Variants in WFDC8 observed in about 807,000 individuals in gnomAD.
WFDC8 encodes WAP four-disulfide core domain protein 8.
WFDC8 carries 24 observed loss-of-function variants against 27.0 expected under a neutral mutation model. The observed-to-expected ratio is 0.89, with a 90% CI of 0.64 to 1.25. The LOEUF (loss-of-function observed/expected upper bound fraction) is 1.25. WFDC8 is among the 50% of genes most tolerant of loss of function. The probability of loss-of-function intolerance (pLI) is 0.00; values close to 1 mark genes in which losing one functional copy is unlikely to be tolerated. For missense variants in WFDC8, 287 were observed against 295.9 expected, an observed-to-expected ratio of 0.97 and a Z score of 0.22; for synonymous variants, 106 against 99.7, an observed-to-expected ratio of 1.06 and a Z score of -0.38.
At chr20:45,564,190 C>T (rs892520134) in intron 1 of WFDC8, among the ~76,000 whole-genome samples, 1 of 152,138 alleles carries the variant, frequency 6.6e-6, no homozygotes, top group Non-Finnish European at 1.5e-5. Context: ...AGTGGGGGCT[C>T]TGAAGAACTA....
intron 1 of WFDC8, among the ~76,000 whole-genome samples, chr20:45,576,151 G>C (rs1308835565): frequency 6.6e-6 from 1 of 151,304 alleles, no homozygotes; most frequent in African/African-American, 2.4e-5. Flanking sequence ...ATATTGTGCT[G>C]CTAAAATATT....
At chr20:45,565,235 G>T (rs1187575173) in intron 1 of WFDC8, among the ~76,000 whole-genome samples, 3 of 152,052 alleles carry the variant, frequency 2.0e-5, no homozygotes, top group Non-Finnish European at 2.9e-5. Context: ...TGTCAACTTG[G>T]GCTAGTTTTA....
chr20:45,564,885 G>A (rs1481372676), intron 1 of WFDC8, among the ~76,000 whole-genome samples: 1 of 145,660 alleles, frequency 6.9e-6, no homozygotes, highest in African/African-American at 2.6e-5. Context: ...GAGGAGAGGA[G>A]AAGAGAATAG....
At chr20:45,553,063 C>T in intron 5 of WFDC8, 73 bp downstream of exon 5, 1 of 1,535,232 alleles carries the variant, frequency 6.5e-7, no homozygotes, top group East Asian at 2.3e-5. Context: ...AAGACACCCC[C>T]CACTCCATGG....
chr20:45,577,269 C>T (rs1379712783), intron 1 of WFDC8, among the ~76,000 whole-genome samples: 1 of 151,332 alleles, frequency 6.6e-6, no homozygotes, highest in African/African-American at 2.4e-5. Flanking sequence ...GTCAAGTGTC[C>T]TAAGAGCAAG....
intron 3 of WFDC8, 95 bp from the exon 4 acceptor site, chr20:45,555,963 A>G: frequency 7.6e-7 from 1 of 1,313,814 alleles, no homozygotes; most frequent in South Asian, 1.4e-5. Flanking sequence ...TGGTGTTATC[A>G]CCCAAGTCAT....
intron 1 of WFDC8, among the ~76,000 whole-genome samples, chr20:45,566,398 A>C (rs2145572142): frequency 6.6e-6 from 1 of 152,310 alleles, no homozygotes; most frequent in Non-Finnish European, 1.5e-5. Flanking sequence ...GCAGTGGCTC[A>C]TGCCTGTAAT....
intron 1 of WFDC8, among the ~76,000 whole-genome samples, chr20:45,566,076 C>T (rs62205644): frequency 2.0e-5 from 3 of 151,866 alleles, no homozygotes; most frequent in African/African-American, 4.8e-5. Flanking sequence ...TAGATAAGGT[C>T]ACTAAATGAA....
At chr20:45,556,916 A>T (rs1980278176) in intron 3 of WFDC8, among the ~76,000 whole-genome samples, 1 of 152,188 alleles carries the variant, frequency 6.6e-6, no homozygotes, top group Admixed American at 6.5e-5. Flanking sequence ...AACTTGCACC[A>T]AAAAAGGTCA....
chr20:45,558,704 G>C, intron 3 of WFDC8, 148 bp downstream of exon 3: 1 of 932,104 alleles, frequency 1.1e-6, no homozygotes. Flanking sequence ...CTAGACTTAT[G>C]ACTTGTACTT....
intron 1 of WFDC8, chr20:45,567,941 T>G (rs1338742785): frequency 1.4e-5 from 3 of 212,226 alleles, no homozygotes; most frequent in Non-Finnish European, 3.0e-5. Context: ...TCCTCCTGCT[T>G]CAGCCTCCTG....
chr20:45,551,500 GC>G (rs2145558461), downstream of WFDC8: 1 of 152,122 alleles, frequency 6.6e-6, no homozygotes, highest in African/African-American at 2.4e-5. Context: ...ATGATGGTGG[GC>G]ACCTGTAATC....
chr20:45,572,628 A>T (rs1328365206), intron 1 of WFDC8, among the ~76,000 whole-genome samples: 3 of 152,138 alleles, frequency 2.0e-5, no homozygotes, highest in Non-Finnish European at 4.4e-5. Flanking sequence ...TTTATTTTCA[A>T]GACAGTCATG....
intron 1 of WFDC8, among the ~76,000 whole-genome samples, chr20:45,564,840 G>C (rs1438596371): frequency 6.7e-6 from 1 of 150,080 alleles, no homozygotes; most frequent in Non-Finnish European, 1.5e-5. Flanking sequence ...AGACCCTGTG[G>C]AGGAAGGGAA....
At chr20:45,563,897 G>A (rs1980554596) in intron 1 of WFDC8, among the ~76,000 whole-genome samples, 1 of 152,158 alleles carries the variant, frequency 6.6e-6, no homozygotes, top group Admixed American at 6.5e-5. Flanking sequence ...AGGCAGGGGA[G>A]AAACACAGAT....
intron 3 of WFDC8, among the ~76,000 whole-genome samples, chr20:45,557,154 G>A (rs6032313): frequency 1.3e-5 from 2 of 151,692 alleles, no homozygotes; most frequent in Non-Finnish European, 2.9e-5. Flanking sequence ...ACACAAAAGT[G>A]GAATGAATTA....
At position 45,555,864 on chromosome 20, in the gene WFDC8, G is replaced by T. The variant is rs764210826; in HGVS notation, c.282C>A (p.Pro94=). The T allele has an allele frequency of 7.4e-6, 12 of 1,613,518 alleles. No homozygotes were observed. The highest frequency in any genetic ancestry group is 9.3e-6 in the Non-Finnish European group (11 of 1,179,638). ...QKKCMDPFQE[P]CMLPVRHGNC... ...TTCCATGCCTCACAGGTAGCATGCA[G>T]GGTTCTGAGGTCAGGAAGCAAGGAA... is the stretch of plus-strand genomic sequence containing the variant. The change falls in exon 4 of 6, where the codon CCC becomes CCA. Residue 94 remains proline, a synonymous_variant. Coordinates refer to ENST00000289953, the MANE Select transcript of WFDC8 (RefSeq NM_130896.3).
rs1159721551 is a variant in WFDC8 at position 45,551,871 on chromosome 20, T to C, written c.*155A>G. 4.3e-6 allele frequency: 4 copies of C among 937,182 alleles called. No homozygotes were observed. Among genetic ancestry groups the C allele is most frequent in the Non-Finnish European group, 6.1e-6 (4 of 653,730 alleles). 58.1% of individuals were successfully genotyped at this position (937,182 alleles called of 1,614,324 possible). A position where few individuals can be genotyped will look rare whatever the true frequency, so the allele number is the denominator to read the frequency against. On this transcript the variant is annotated 3_prime_UTR_variant, in exon 6 of 6. Coordinates refer to ENST00000289953, the MANE Select transcript of WFDC8 (RefSeq NM_130896.3). Reference sequence around the variant, plus strand: ...AAAAAAGCCAAATATATCATCACTTTCAGATGATGGGATTATATATAAAAT... The same window carrying C: ...AAAAAAGCCAAATATATCATCACTTCCAGATGATGGGATTATATATAAAAT...
intron 1 of WFDC8, among the ~76,000 whole-genome samples, chr20:45,574,416 C>T (rs1170614787): frequency 6.6e-6 from 1 of 151,048 alleles, no homozygotes; most frequent in Non-Finnish European, 1.5e-5. Flanking sequence ...AAGAAAATTA[C>T]AGGCCAATAT....
Sources: allele counts gnomAD v4.1 joint callset (sites outside exome capture counted in the v4.1 genomes callset), GRCh38; gene constraint gnomAD v4.1.1; transcripts MANE v1.5; gene names NCBI Gene and HGNC (gene_info 2026-07-23, HGNC 2026-07-21).